DOCK3: variants seen among roughly 807,000 people sequenced by gnomAD.
The protein encoded by DOCK3 is dedicator of cytokinesis 3, also known as dedicator of cytokinesis protein 3.
DOCK3 carries 60 observed loss-of-function variants against 265.6 expected under a neutral mutation model. The ratio of observed to expected loss-of-function variants is 0.23; its 90% confidence interval spans 0.18 to 0.28. The LOEUF (loss-of-function observed/expected upper bound fraction) is 0.28, where lower values mean the gene tolerates loss of function less well. DOCK3 is among the 10% of genes least tolerant of loss of function. DOCK3 has a pLI of 1.00. For synonymous variants in DOCK3, 881 were observed against 938.0 expected (o/e 0.94, Z 1.11); for missense variants, 1,981 against 2,594.3 (o/e 0.76, Z 5.14).
intron 25 of DOCK3, 114 bp from the exon 26 acceptor site, chr3:51,277,494 T>C (rs755423996): frequency 1.9e-5 from 25 of 1,340,566 alleles, no homozygotes; most frequent in Non-Finnish European, 2.5e-5. Flanking sequence ...GACTGAGAGC[T>C]TGGTGTTGGG....
intron 22 of DOCK3, among the ~76,000 whole-genome samples, chr3:51,256,540 G>A (rs564581018): frequency 8.6e-5 from 13 of 151,752 alleles, no homozygotes; most frequent in Non-Finnish European, 8.8e-5. Context: ...CAAAGTTCTG[G>A]GATTACAGGT....
At chr3:51,183,826 C>T (rs1053921532) in intron 12 of DOCK3, among the ~76,000 whole-genome samples, 1 of 152,118 alleles carries the variant, frequency 6.6e-6, no homozygotes, top group African/African-American at 2.4e-5. Flanking sequence ...ATTGTATAAA[C>T]TCATGCCTAG....
intron 12 of DOCK3, among the ~76,000 whole-genome samples, chr3:51,188,545 GTGTT>G (rs770721851): frequency 9.9e-5 from 15 of 152,110 alleles, no homozygotes; most frequent in Non-Finnish European, 1.6e-4. Flanking sequence ...TCCTTACTGT[GTGTT>G]TGTATCCTTT....
intron 4 of DOCK3, among the ~76,000 whole-genome samples, chr3:50,921,682 G>A (rs560330737): frequency 1.3e-5 from 2 of 152,212 alleles, no homozygotes; most frequent in Non-Finnish European, 1.5e-5. Context: ...TCCCATCTTG[G>A]TGGTTTTATC....
rs755531254 is a variant in DOCK3 at position 50,869,342 on chromosome 3, AT to A, written c.163-20636del. ...TCAATTTTATTTATTTCTGCTGGGA[AT>A]TTTTTTTTTTTTTTTTTTTTTTTTT... On this transcript the variant is annotated intron_variant, in intron 3 of 52. Coordinates refer to ENST00000266037, the MANE Select transcript of DOCK3 (RefSeq NM_004947.5). 1.3e-4 allele frequency among the ~76,000 whole-genome samples: 9 copies of A among 70,106 alleles called. 4 individuals carry two copies. Among genetic ancestry groups the A allele is most frequent in the South Asian group, 1.0e-3 (2 of 1,952 alleles). 46.0% of individuals were successfully genotyped at this position (70,106 alleles called of 152,430 possible). A position where few individuals can be genotyped will look rare whatever the true frequency, so the allele number is the denominator to read the frequency against.
intron 2 of DOCK3, among the ~76,000 whole-genome samples, chr3:50,808,786 A>C (rs1029489915): frequency 6.6e-4 from 100 of 152,318 alleles, no homozygotes; most frequent in African/African-American, 2.1e-3. Flanking sequence ...TCATCCACTG[A>C]TGTATGAGAG....
At chr3:51,115,394 A>G (rs1490403680) in intron 9 of DOCK3, among the ~76,000 whole-genome samples, 2 of 152,186 alleles carry the variant, frequency 1.3e-5, no homozygotes, top group Non-Finnish European at 2.9e-5. Context: ...TCTAATGACC[A>G]GTGATGATGA....
At chr3:51,329,324 G>T (rs1470052591) in intron 32 of DOCK3, among the ~76,000 whole-genome samples, 2 of 152,174 alleles carry the variant, frequency 1.3e-5, no homozygotes, top group Non-Finnish European at 2.9e-5. Context: ...GATAGGTGCA[G>T]CAGACCACCA....
intron 5 of DOCK3, among the ~76,000 whole-genome samples, chr3:50,948,516 A>C (rs1391335167): frequency 6.9e-6 from 1 of 145,282 alleles, no homozygotes; most frequent in Admixed American, 7.1e-5. Flanking sequence ...AGATCCTCCC[A>C]TTTCAGCCTC....
At chr3:51,275,544 G>A (rs1389487413) in intron 25 of DOCK3, among the ~76,000 whole-genome samples, 1 of 152,112 alleles carries the variant, frequency 6.6e-6, no homozygotes, top group Non-Finnish European at 1.5e-5. Flanking sequence ...TCAGGCATGA[G>A]CACAGGGAGG....
intron 49 of DOCK3, among the ~76,000 whole-genome samples, chr3:51,366,908 AT>A (rs1477341344): frequency 3.3e-5 from 5 of 152,180 alleles, no homozygotes; most frequent in Admixed American, 3.3e-4. Flanking sequence ...TTTACTTCCA[AT>A]TATGTGGTCA....
chr3:50,699,022 G>A (rs557328230), intron 1 of DOCK3, among the ~76,000 whole-genome samples: 5 of 152,200 alleles, frequency 3.3e-5, no homozygotes, highest in Non-Finnish European at 7.4e-5. Context: ...TGTCAGTGCC[G>A]TTGGCGTATC....
chr3:51,016,618 T>TA (rs1491148230), intron 5 of DOCK3, among the ~76,000 whole-genome samples: 611 of 54,416 alleles, frequency 0.011, 10 homozygotes, highest in Non-Finnish European at 0.015. Flanking sequence ...ATTATATATT[T>TA]ATATATATAA....
At chr3:50,910,775 G>A (rs1472860871) in intron 4 of DOCK3, among the ~76,000 whole-genome samples, 4 of 152,156 alleles carry the variant, frequency 2.6e-5, no homozygotes, top group African/African-American at 4.8e-5. Context: ...GATGGTGGAT[G>A]GGGATTGGTG....
At chr3:50,841,433 T>A (rs1004998529) in intron 2 of DOCK3, among the ~76,000 whole-genome samples, 2 of 152,184 alleles carry the variant, frequency 1.3e-5, no homozygotes, top group African/African-American at 4.8e-5. Flanking sequence ...TGAAGTCTTT[T>A]CTAATTGCAT....
At chr3:50,943,279 G>C (rs182943166) in intron 5 of DOCK3, among the ~76,000 whole-genome samples, 15 of 152,088 alleles carry the variant, frequency 9.9e-5, no homozygotes, top group African/African-American at 3.4e-4. Flanking sequence ...GTGAATCTCT[G>C]TTTTGTAAAT....
Position 51,358,046 on chromosome 3 carries a change from A to G in DOCK3, c.4853A>G (p.Gln1618Arg). 2 of 1,614,006 alleles carry G rather than the reference A, an allele frequency of 1.2e-6. No individual in the cohort carries two copies. Among genetic ancestry groups the G allele is most frequent in the South Asian group, 1.1e-5 (1 of 91,088 alleles). The change falls in exon 46 of 53, where the codon CAG (glutamine) becomes CGG (arginine). Residue 1618 changes from glutamine to arginine, a missense_variant. By Grantham distance (43) the Gln-to-Arg change is conservative. Coordinates refer to ENST00000266037, the MANE Select transcript of DOCK3 (RefSeq NM_004947.5). ...MRPLHKKLID[Q>R]FQMMRASLYH... Reference sequence around the variant, plus strand: ...CCTCTGCATAAGAAGCTAATTGATCAGTTCCAGATGATGCGGGCCAGTCTC... The same window carrying G: ...CCTCTGCATAAGAAGCTAATTGATCGGTTCCAGATGATGCGGGCCAGTCTC...
chr3:50,881,701 T>C (rs180840937), intron 3 of DOCK3, among the ~76,000 whole-genome samples: 25 of 152,328 alleles, frequency 1.6e-4, no homozygotes, highest in South Asian at 6.2e-4. Context: ...CAAGGTAATT[T>C]ATAGATTCAA....
At chr3:51,106,740 C>A (rs2083295830) in intron 9 of DOCK3, among the ~76,000 whole-genome samples, 1 of 152,222 alleles carries the variant, frequency 6.6e-6, no homozygotes, top group African/African-American at 2.4e-5. Flanking sequence ...CGTGCTAACA[C>A]CACCATTGTG....
Sources: gnomAD v4.1 joint callset for allele counts (sites outside exome capture counted in the v4.1 genomes callset) on GRCh38, gnomAD v4.1.1 for gene constraint, MANE v1.5 for transcripts, NCBI Gene and HGNC (gene_info 2026-07-23, HGNC 2026-07-21) for gene names.